Variants in YWHAE observed in about 807,000 individuals in gnomAD.
The protein encoded by YWHAE is tyrosine 3-monooxygenase/tryptophan 5-monooxygenase activation protein epsilon.
Under a neutral mutation model 30.1 loss-of-function variants are expected in YWHAE, and 4 were observed. The observed-to-expected ratio is 0.13, with a 90% CI of 0.07 to 0.30. The LOEUF is 0.30. Ranked by LOEUF, YWHAE falls within the 10% of genes least tolerant of loss-of-function variation. The pLI, the probability that YWHAE is intolerant of heterozygous loss-of-function variation, is 1.00. For synonymous variants in YWHAE, 118 were observed against 111.8 expected, an observed-to-expected ratio of 1.06 and a Z score of -0.35; for missense variants, 121 against 315.9, an observed-to-expected ratio of 0.38 and a Z score of 4.68.
At chr17:1,388,118 G>GTTTTTTTTTTTTTTTTTTTTTTT (rs1297503908) in intron 1 of YWHAE, among the ~76,000 whole-genome samples, 1 of 15,496 alleles carries the variant, frequency 6.5e-5, no homozygotes, top group Non-Finnish European at 9.3e-5. Flanking sequence ...TTTTTGGTTG[G>GTTTTTTTTTTTTTTTTTTTTTTT]TTTTTTTTTT....
chr17:1,370,321 C>G (rs143363857), intron 1 of YWHAE, among the ~76,000 whole-genome samples: 8 of 151,424 alleles, frequency 5.3e-5, no homozygotes, highest in African/African-American at 1.7e-4. Context: ...TTAGTAGAGG[C>G]GGGGTTTCAC....
intron 4 of YWHAE, among the ~76,000 whole-genome samples, chr17:1,355,028 T>C (rs1421779200): frequency 1.8e-5 from 2 of 112,392 alleles, no homozygotes; most frequent in African/African-American, 3.4e-5. Flanking sequence ...CAGGCTGGAC[T>C]TGAACTCCTG....
intron 1 of YWHAE, among the ~76,000 whole-genome samples, chr17:1,397,745 T>TGGACACAGGTAGA (rs911887859): frequency 6.6e-6 from 1 of 152,162 alleles, no homozygotes; most frequent in Non-Finnish European, 1.5e-5. Flanking sequence ...AATAAAGGAA[T>TGGACACAGGTAGA]GGACACAGGT....
At chr17:1,356,005 A>G (rs1195510676) in intron 4 of YWHAE, among the ~76,000 whole-genome samples, 1 of 152,128 alleles carries the variant, frequency 6.6e-6, no homozygotes, top group Non-Finnish European at 1.5e-5. Context: ...CGTCTCTACT[A>G]AAAATACAAA....
At chr17:1,351,108 C>A (rs1343710168) in intron 5 of YWHAE, among the ~76,000 whole-genome samples, 5 of 151,818 alleles carry the variant, frequency 3.3e-5, no homozygotes, top group African/African-American at 1.2e-4. Context: ...CACCTGTAAT[C>A]CCAGCGCTTT....
At chr17:1,348,248 T>G (rs2072559489) in intron 5 of YWHAE, among the ~76,000 whole-genome samples, 1 of 152,210 alleles carries the variant, frequency 6.6e-6, no homozygotes, top group African/African-American at 2.4e-5. Flanking sequence ...TCCTTGGCTA[T>G]GTTTCTTTGC....
At chr17:1,349,375 A>C (rs1249105239) in intron 5 of YWHAE, among the ~76,000 whole-genome samples, 1 of 152,140 alleles carries the variant, frequency 6.6e-6, no homozygotes, top group East Asian at 1.9e-4. Context: ...TCAACTTCTC[A>C]AACTGATGAA....
intron 5 of YWHAE, 65 bp from the exon 6 acceptor site, chr17:1,345,564 C>G (rs1339616275): frequency 2.0e-6 from 3 of 1,530,626 alleles, no homozygotes; most frequent in African/African-American, 1.4e-5. Flanking sequence ...CAGCCACAAA[C>G]AAAGGTGTCA....
chr17:1,395,159 G>A (rs1481396267), intron 1 of YWHAE, among the ~76,000 whole-genome samples: 1 of 151,868 alleles, frequency 6.6e-6, no homozygotes, highest in Non-Finnish European at 1.5e-5. Context: ...TTGGGAGGCC[G>A]AGGCAGGCAG....
Position 1,400,157 on chromosome 17 carries a change from A to G in YWHAE, c.-47T>C, listed in dbSNP as rs769196790. The G allele has an allele frequency of 6.2e-7, 1 of 1,608,760 alleles. No homozygotes were observed. ...GTCTGCGCGACGGATGGAAGCGGAT[A>G]GTGTCTCCGACTCTCTCAGCCTCTC... On this transcript the variant is annotated 5_prime_UTR_variant, in exon 1 of 6. Coordinates refer to ENST00000264335, the MANE Select transcript of YWHAE (RefSeq NM_006761.5).
At chr17:1,381,371 C>A (rs976227713) in intron 1 of YWHAE, among the ~76,000 whole-genome samples, 9 of 151,908 alleles carry the variant, frequency 5.9e-5, no homozygotes, top group African/African-American at 2.2e-4. Context: ...AAAAAATTAG[C>A]CAGGCGTGGT....
intron 5 of YWHAE, among the ~76,000 whole-genome samples, chr17:1,353,946 T>G (rs749976696): frequency 6.6e-6 from 1 of 152,144 alleles, no homozygotes; most frequent in Non-Finnish European, 1.5e-5. Context: ...TTGAATTGAA[T>G]GAAGATAAAA....
At chr17:1,378,301 T>C (rs1417823631) in intron 1 of YWHAE, among the ~76,000 whole-genome samples, 7 of 152,238 alleles carry the variant, frequency 4.6e-5, no homozygotes, top group Non-Finnish European at 1.0e-4. Context: ...AGGAATTGTG[T>C]GGCTTTCAAA....
At chr17:1,357,940 AAAAG>A (rs2072785174) in intron 4 of YWHAE, among the ~76,000 whole-genome samples, 2 of 152,094 alleles carry the variant, frequency 1.3e-5, no homozygotes, top group Middle Eastern at 6.3e-3. Context: ...GGGAAAAAAA[AAAAG>A]AAAAAGACAA....
In YWHAE at chr17:1,400,181, T is replaced by G; in HGVS notation, c.-71A>C. The G allele has an allele frequency of 6.3e-7, 1 of 1,580,858 alleles. No individual in the cohort carries two copies. On this transcript the variant is annotated 5_prime_UTR_variant, in exon 1 of 6. Transcript: ENST00000264335. ...TAGTGTCTCCGACTCTCTCAGCCTCTCGCTCCGCGTCCGGGCAGCAAAAAT... is the reference window on the plus strand; with the variant it reads ...TAGTGTCTCCGACTCTCTCAGCCTCGCGCTCCGCGTCCGGGCAGCAAAAAT...
chr17:1,364,109 T>C (rs989332305), intron 2 of YWHAE, among the ~76,000 whole-genome samples: 2 of 151,648 alleles, frequency 1.3e-5, no homozygotes, highest in East Asian at 1.9e-4. Flanking sequence ...AGACCTACAA[T>C]AAGAAACATT....
intron 1 of YWHAE, among the ~76,000 whole-genome samples, chr17:1,391,219 G>C (rs960861050): frequency 6.6e-6 from 1 of 152,176 alleles, no homozygotes; most frequent in Non-Finnish European, 1.5e-5. Context: ...CCCATTTGTG[G>C]GGGAGGGAGC....
At chr17:1,376,257 A>T (rs924751302) in intron 1 of YWHAE, among the ~76,000 whole-genome samples, 2 of 152,204 alleles carry the variant, frequency 1.3e-5, no homozygotes, top group African/African-American at 4.8e-5. Flanking sequence ...CTACCAGAGA[A>T]ACAAGTTTCA....
At chr17:1,392,772 C>A (rs2073407831) in intron 1 of YWHAE, among the ~76,000 whole-genome samples, 1 of 151,944 alleles carries the variant, frequency 6.6e-6, no homozygotes, top group African/African-American at 2.4e-5. Flanking sequence ...ATCACTTGAG[C>A]CCAGGAGGCG....
Sources: allele counts gnomAD v4.1 joint callset (sites outside exome capture counted in the v4.1 genomes callset), GRCh38; gene constraint gnomAD v4.1.1; transcripts MANE v1.5; gene names NCBI Gene and HGNC (gene_info 2026-07-23, HGNC 2026-07-21).